PCSK2: variants seen among roughly 807,000 people sequenced by gnomAD.
The protein encoded by PCSK2 is proprotein convertase subtilisin/kexin type 2, also known as neuroendocrine convertase 2.
Under a neutral mutation model 69.7 loss-of-function variants are expected in PCSK2, and 14 were observed. The observed-to-expected ratio is 0.20, with a 90% confidence interval of 0.13 to 0.31. The LOEUF (loss-of-function observed/expected upper bound fraction) is 0.31. Ranked by LOEUF, PCSK2 falls within the 10% of genes least tolerant of loss-of-function variation. The probability of loss-of-function intolerance (pLI) is 1.00; values close to 1 mark genes in which losing one functional copy is unlikely to be tolerated. For synonymous variants in PCSK2, 307 were observed against 320.7 expected, an observed-to-expected ratio of 0.96 and a Z score of 0.46; for missense variants, 544 against 842.5, an observed-to-expected ratio of 0.65 and a Z score of 4.39.
intron 1 of PCSK2, among the ~76,000 whole-genome samples, chr20:17,254,201 T>C (rs1418852978): frequency 6.6e-6 from 1 of 152,204 alleles, no homozygotes. Flanking sequence ...AGTACAAATA[T>C]TCTTAATTTT....
chr20:17,286,827 C>T (rs189287531), intron 2 of PCSK2, among the ~76,000 whole-genome samples: 15 of 152,258 alleles, frequency 9.9e-5, no homozygotes, highest in African/African-American at 2.6e-4. Flanking sequence ...CAGTCTGTAT[C>T]AGAATCAGTC....
At chr20:17,462,996 T>G (rs1472424280) in intron 10 of PCSK2, among the ~76,000 whole-genome samples, 1 of 152,232 alleles carries the variant, frequency 6.6e-6, no homozygotes, top group Admixed American at 6.5e-5. Flanking sequence ...AGAAGGAACC[T>G]GGTTTTACTC....
chr20:17,437,281 G>A (rs1488922147), intron 8 of PCSK2, among the ~76,000 whole-genome samples: 4 of 152,214 alleles, frequency 2.6e-5, no homozygotes, highest in Admixed American at 1.3e-4. Flanking sequence ...CGCACACAGG[G>A]CGGTAGATCC....
intron 8 of PCSK2, among the ~76,000 whole-genome samples, chr20:17,443,011 A>G (rs955442360): frequency 6.6e-6 from 1 of 152,150 alleles, no homozygotes; most frequent in African/African-American, 2.4e-5. Context: ...AAGTTTCCCA[A>G]CCAGAGTCCT....
intron 2 of PCSK2, among the ~76,000 whole-genome samples, chr20:17,339,506 TTTG>T (rs34828241): frequency 6.6e-6 from 1 of 151,884 alleles, no homozygotes; most frequent in South Asian, 2.1e-4. Context: ...TTTGGTTGTT[TTTG>T]TTGTTGTTGT....
intron 7 of PCSK2, among the ~76,000 whole-genome samples, chr20:17,433,938 CCTCTCT>C (rs1447261397): frequency 1.5e-5 from 2 of 134,318 alleles, no homozygotes; most frequent in African/African-American, 5.6e-5. Flanking sequence ...CTCTCCTCTC[CCTCTCT>C]CTCTACCTTC....
upstream of PCSK2, chr20:17,226,145 C>G (rs1364010643): frequency 6.6e-6 from 1 of 152,210 alleles, no homozygotes; most frequent in African/African-American, 2.4e-5. Flanking sequence ...TGGAACGTCC[C>G]CAGGTCTGAG....
At chr20:17,359,921 G>T (rs1246671704) in intron 3 of PCSK2, among the ~76,000 whole-genome samples, 1 of 152,082 alleles carries the variant, frequency 6.6e-6, no homozygotes, top group Non-Finnish European at 1.5e-5. Context: ...AAATATTTTT[G>T]GGGGCCAGGA....
chr20:17,282,206 GCAGA>G (rs1210604058), intron 2 of PCSK2, among the ~76,000 whole-genome samples: 3 of 151,680 alleles, frequency 2.0e-5, no homozygotes, highest in African/African-American at 7.3e-5. Flanking sequence ...TGCACAAATG[GCAGA>G]CAGACAATCC....
intron 6 of PCSK2, among the ~76,000 whole-genome samples, chr20:17,420,540 T>A (rs571192398): frequency 6.7e-4 from 102 of 152,284 alleles, no homozygotes; most frequent in Middle Eastern, 3.4e-3. Context: ...TTATTTAAAT[T>A]TTTCCTTCAG....
chr20:17,239,038 G>A (rs1367591975), intron 1 of PCSK2, among the ~76,000 whole-genome samples: 1 of 152,176 alleles, frequency 6.6e-6, no homozygotes, highest in African/African-American at 2.4e-5. Flanking sequence ...AAGTATGCTA[G>A]GAAGGGTTAT....
intron 11 of PCSK2, among the ~76,000 whole-genome samples, chr20:17,477,007 G>T (rs1016478446): frequency 2.0e-5 from 3 of 152,218 alleles, no homozygotes; most frequent in African/African-American, 7.2e-5. Context: ...GGGGGTGGGA[G>T]AGGGGAATAC....
chr20:17,313,583 C>T (rs577900702), intron 2 of PCSK2, among the ~76,000 whole-genome samples: 9 of 152,278 alleles, frequency 5.9e-5, no homozygotes, highest in African/African-American at 1.7e-4. Context: ...TTTTCTCCCC[C>T]TCATCAACCT....
intron 11 of PCSK2, among the ~76,000 whole-genome samples, chr20:17,472,743 T>C (rs2033223449): frequency 6.6e-6 from 1 of 152,072 alleles, no homozygotes; most frequent in Non-Finnish European, 1.5e-5. Flanking sequence ...ATTTTTGTAT[T>C]TTTAGTAGAG....
chr20:17,469,055 C>T (rs934535854), intron 11 of PCSK2, among the ~76,000 whole-genome samples: 4 of 152,250 alleles, frequency 2.6e-5, no homozygotes, highest in African/African-American at 9.6e-5. Flanking sequence ...CTGCCCAAGT[C>T]CCAAGTGATG....
chr20:17,443,888 GGAGT>G lies in PCSK2; in HGVS notation c.885+7010_885+7013del, dbSNP rs558283261. On this transcript the variant is annotated intron_variant, in intron 8 of 11. Coordinates refer to ENST00000262545, the MANE Select transcript of PCSK2 (RefSeq NM_002594.5). Reference sequence around the variant, plus strand: ...ACAGCAAGTACATCTTTTAGAAAGTGGAGTGAGTATGATGAAAAATACATTATTT... The same window carrying G: ...ACAGCAAGTACATCTTTTAGAAAGTGGAGTATGATGAAAAATACATTATTT... Among the ~76,000 whole-genome samples, 66 of 152,326 alleles carry G rather than the reference GGAGT, an allele frequency of 4.3e-4. 1 individual carries two copies. The highest frequency in any genetic ancestry group is 1.4e-3 in the Admixed American group (22 of 15,308).
At chr20:17,243,569 T>G (rs1485016929) in intron 1 of PCSK2, among the ~76,000 whole-genome samples, 1 of 152,210 alleles carries the variant, frequency 6.6e-6, no homozygotes, top group Non-Finnish European at 1.5e-5. Flanking sequence ...TTCTCACACT[T>G]GGATGCTCAG....
intron 2 of PCSK2, among the ~76,000 whole-genome samples, chr20:17,278,947 C>T (rs6075190): frequency 0.15 from 23,464 of 151,796 alleles, 1,917 homozygotes; most frequent in Middle Eastern, 0.2. Context: ...TATGGTCAAA[C>T]GCATCCCCTA....
intron 5 of PCSK2, among the ~76,000 whole-genome samples, chr20:17,402,189 T>C (rs2031653854): frequency 6.6e-6 from 1 of 152,194 alleles, no homozygotes; most frequent in African/African-American, 2.4e-5. Flanking sequence ...TTTTGGAAAA[T>C]ATCAATTAAA....
Sources: allele counts gnomAD v4.1 joint callset (sites outside exome capture counted in the v4.1 genomes callset), GRCh38; gene constraint gnomAD v4.1.1; transcripts MANE v1.5; gene names NCBI Gene and HGNC (gene_info 2026-07-23, HGNC 2026-07-21).